DIO2: variants seen among roughly 807,000 people sequenced by gnomAD.
DIO2 encodes the protein iodothyronine deiodinase 2, also known as type II iodothyronine deiodinase.
In DIO2, 19 loss-of-function variants were observed where a neutral mutation model predicts 21.4. That is an observed-to-expected ratio of 0.89 (90% confidence interval 0.62 to 1.30). DIO2 has a LOEUF of 1.30. Among genes scored for constraint, DIO2 ranks in the 50% most tolerant of loss-of-function variants. The probability of loss-of-function intolerance (pLI) is 0.00; values close to 1 mark genes in which losing one functional copy is unlikely to be tolerated. For synonymous variants in DIO2, 122 were observed against 132.9 expected, an observed-to-expected ratio of 0.92 and a Z score of 0.57; for missense variants, 302 against 338.1, an observed-to-expected ratio of 0.89 and a Z score of 0.84.
chr14:80,222,277 G>A (rs1888479727), intron 2 of DIO2, among the ~76,000 whole-genome samples: 1 of 152,110 alleles, frequency 6.6e-6, no homozygotes, highest in African/African-American at 2.4e-5. Flanking sequence ...TCTATGATCA[G>A]ACACCAAAGA....
At chr14:80,208,071 T>C (rs2140003869) in intron 1 of DIO2, among the ~76,000 whole-genome samples, 1 of 152,344 alleles carries the variant, frequency 6.6e-6, no homozygotes, top group African/African-American at 2.4e-5. Context: ...ATACTGTGTG[T>C]TTACTTTTAC....
chr14:80,217,873 C>T (rs978389453), intron 2 of DIO2, among the ~76,000 whole-genome samples: 4 of 152,226 alleles, frequency 2.6e-5, no homozygotes, highest in African/African-American at 4.8e-5. Flanking sequence ...CCAACTCACT[C>T]AGCAGTTTGG....
intron 2 of DIO2, among the ~76,000 whole-genome samples, chr14:80,227,326 G>A (rs762173291): frequency 1.1e-4 from 17 of 152,158 alleles, no homozygotes; most frequent in Non-Finnish European, 2.4e-4. Context: ...ACTTTCTCAC[G>A]TAACTTACTT....
At chr14:80,230,669 C>T (rs1348452179) in intron 2 of DIO2, among the ~76,000 whole-genome samples, 1 of 152,174 alleles carries the variant, frequency 6.6e-6, no homozygotes, top group African/African-American at 2.4e-5. Flanking sequence ...CTAAACAGTT[C>T]ATGTCAAGAG....
At chr14:80,209,041 T>C (rs552164270) in intron 1 of DIO2, among the ~76,000 whole-genome samples, 3 of 152,124 alleles carry the variant, frequency 2.0e-5, no homozygotes, top group African/African-American at 7.2e-5. Context: ...ACAAACCATA[T>C]GCAAAAAGAA....
intron 1 of DIO2, chr14:80,205,743 A>G (rs1236858205): frequency 1.6e-6 from 2 of 1,272,166 alleles, no homozygotes; most frequent in Admixed American, 3.0e-5. Flanking sequence ...AGTCTAAAAT[A>G]AAAAAATTAG....
intron 2 of DIO2, among the ~76,000 whole-genome samples, chr14:80,220,215 C>G (rs1044223023): frequency 2.0e-5 from 3 of 152,176 alleles, no homozygotes; most frequent in Non-Finnish European, 4.4e-5. Context: ...GCTGGGACTA[C>G]AGGCGCCCGC....
At chr14:80,206,055 G>A (rs572660498) in intron 1 of DIO2, among the ~76,000 whole-genome samples, 1 of 152,290 alleles carries the variant, frequency 6.6e-6, no homozygotes, top group South Asian at 2.1e-4. Flanking sequence ...CATCTGGTCA[G>A]TGCACAAAAC....
rs1012688111 is a variant in DIO2 at position 80,198,163 on chromosome 14, G to A, written c.*4526C>T. 6.6e-6 allele frequency: 1 copy of A among 152,586 alleles called. No homozygotes were observed. Among genetic ancestry groups the A allele is most frequent in the Non-Finnish European group, 1.5e-5 (1 of 68,064 alleles). 9.5% of individuals were successfully genotyped at this position (152,586 alleles called of 1,614,324 possible). ...TTTTGAGGGGAGGGGGAGAAGTGGA[G>A]GGTTTGAGCCAAAATAGTGACTTCA... On this transcript the variant is annotated 3_prime_UTR_variant, in exon 2 of 2. Transcript: ENST00000438257.
intron 2 of DIO2, among the ~76,000 whole-genome samples, chr14:80,218,624 G>A (rs1223801227): frequency 2.0e-5 from 3 of 152,088 alleles, no homozygotes; most frequent in African/African-American, 7.2e-5. Context: ...TAAAAACATA[G>A]GAGAAAAATC....
upstream of DIO2, chr14:80,216,024 T>A (rs2140014229): frequency 6.6e-6 from 1 of 152,430 alleles, no homozygotes; most frequent in South Asian, 2.1e-4. Flanking sequence ...TTGGGAGGTA[T>A]GAGCATTCTC....
upstream of DIO2, chr14:80,211,592 G>GGGGTGGGGGGGGGGGGGGGGGGC: frequency 6.2e-6 from 1 of 162,280 alleles, no homozygotes; most frequent in Non-Finnish European, 1.2e-5. Flanking sequence ...GGGGTTGGGG[G>GGGGTGGGGGGGGGGGGGGGGGGC]AGAAGGGGAA....
intron 2 of DIO2, among the ~76,000 whole-genome samples, chr14:80,217,225 A>G (rs1178307753): frequency 1.3e-5 from 2 of 152,238 alleles, no homozygotes; most frequent in African/African-American, 2.4e-5. Context: ...TGATTGTATA[A>G]TGAGTGTGTT....
rs565257800 is a variant in DIO2, at chr14:80,217,562, T to G, written c.-277-825A>C. Among the ~76,000 whole-genome samples, 8 of 152,332 alleles carry G rather than the reference T, an allele frequency of 5.3e-5. No individual in the cohort carries two copies. In the South Asian group the frequency reaches 1.4e-3, roughly 28 times the overall value. ...AAATATAAGGCATGAAATTTGAATCTATTTTTACATCCAGTCTCATTTATT... is the reference window on the plus strand; with the variant it reads ...AAATATAAGGCATGAAATTTGAATCGATTTTTACATCCAGTCTCATTTATT... On this transcript the variant is annotated intron_variant, in intron 2 of 4. Transcript: ENST00000553594.
chr14:80,204,225 CAAAA>C (rs1406597254), intron 1 of DIO2, among the ~76,000 whole-genome samples: 1 of 151,868 alleles, frequency 6.6e-6, no homozygotes, highest in Admixed American at 6.6e-5. Flanking sequence ...TAAAAACAGA[CAAAA>C]AAACAAAAAT....
rs556355831 is a variant in DIO2 at position 80,203,258 on chromosome 14, T to A, written c.253A>T (p.Ser85Cys). The change falls in exon 2 of 2, where the codon AGT becomes TGT. Residue 85 changes from serine (S) to cysteine (C), a missense_variant. Physicochemically the swap from Ser to Cys is moderately radical, Grantham distance 112. Transcript: ENST00000438257. ...TCTGTACTGGAGACATGCACCACAC[T>A]GGAATTGGGGGCATCCTCACCCAAT... ...VKLGEDAPNS[S>C]VVHVSSTEGG... 2.5e-5 allele frequency: 39 copies of A among 1,591,132 alleles called. 2 individuals are homozygous for A. The South Asian group carries it at 4.2e-4, about 17-fold the overall frequency.
chr14:80,217,017 G>A (rs1476659768), intron 2 of DIO2, among the ~76,000 whole-genome samples: 2 of 152,146 alleles, frequency 1.3e-5, no homozygotes, highest in South Asian at 2.1e-4. Context: ...CCATTTCAGA[G>A]GTAATGGTGT....
chr14:80,199,885 A>G lies in DIO2; in HGVS notation c.*2804T>C, dbSNP rs28465207. The G allele has an allele frequency of 7.5e-4, 114 of 152,730 alleles. No homozygotes were observed. Among genetic ancestry groups the G allele is most frequent in the African/African-American group, 2.7e-3 (111 of 41,572 alleles). The allele number at this position is 152,730 out of a possible 1,614,324, so 9.5% of individuals were successfully genotyped here. ...GATTTATACTATGATATATAAATAG[A>G]TACACATTTCCCTGTGGGACTAAGA... On this transcript the variant is annotated 3_prime_UTR_variant, in exon 2 of 2. Coordinates refer to ENST00000438257, the MANE Select transcript of DIO2 (RefSeq NM_013989.5).
chr14:80,211,610 T>G, upstream of DIO2: 1 of 641,650 alleles, frequency 1.6e-6, no homozygotes, highest in South Asian at 2.0e-5. Flanking sequence ...GAAAAAAAAC[T>G]AAATTAAAAG....
Sources: allele counts gnomAD v4.1 joint callset (sites outside exome capture counted in the v4.1 genomes callset), GRCh38; gene constraint gnomAD v4.1.1; transcripts MANE v1.5; gene names NCBI Gene and HGNC (gene_info 2026-07-23, HGNC 2026-07-21).